Variants in TMTC1 observed in about 807,000 individuals in gnomAD.
The protein encoded by TMTC1 is transmembrane O-mannosyltransferase targeting cadherins 1, also known as protein O-mannosyl-transferase TMTC1.
TMTC1 carries 73 observed loss-of-function variants against 104.8 expected under a neutral mutation model. That is an observed-to-expected ratio of 0.70 (90% CI 0.58 to 0.85). TMTC1 has a LOEUF of 0.85. Ranked by LOEUF, TMTC1 falls within the 40% of genes least tolerant of loss-of-function variation. TMTC1 has a pLI of 0.00. For synonymous variants in TMTC1, 434 were observed against 428.7 expected (o/e 1.01, Z -0.15); for missense variants, 1,035 against 1,096.1 (o/e 0.94, Z 0.79).
chr12:29,653,985 T>C (rs1939640175), intron 5 of TMTC1, among the ~76,000 whole-genome samples: 1 of 152,170 alleles, frequency 6.6e-6, no homozygotes, highest in South Asian at 2.1e-4. Flanking sequence ...AACTCGTAAA[T>C]GTGAGAAAAA....
intron 5 of TMTC1, chr12:29,659,866 T>G (rs1239048599): frequency 2.0e-6 from 3 of 1,503,932 alleles, no homozygotes; most frequent in African/African-American, 2.8e-5. Flanking sequence ...TTTAAAAAAA[T>G]TATTTATACT....
In TMTC1 at chr12:29,783,763, C is replaced by G; in HGVS notation, c.-12G>C. On this transcript the variant is annotated 5_prime_UTR_variant, in exon 1 of 18. Transcript: ENST00000539277. The surrounding 1 kb of genome is among the most constrained non-coding windows in gnomAD (Gnocchi z 4.7). Reference sequence around the variant, plus strand: ...GTGGTCACCACCATCGCGCCGCCGCCGCCGCTGCTGCCCTGGCCTCTCCCG... The same window carrying G: ...GTGGTCACCACCATCGCGCCGCCGCGGCCGCTGCTGCCCTGGCCTCTCCCG... 8.7e-7 allele frequency: 1 copy of G among 1,150,536 alleles called. No individual in the cohort carries two copies. The highest frequency in any genetic ancestry group is 1.1e-6 in the Non-Finnish European group (1 of 938,766). 71.3% of individuals were successfully genotyped at this position (1,150,536 alleles called of 1,614,324 possible).
At chr12:29,560,075 G>A (rs299485) in intron 9 of TMTC1, among the ~76,000 whole-genome samples, 111,136 of 152,178 alleles carry the variant, frequency 0.73, 45,190 homozygotes, top group East Asian at 0.92. Context: ...TCTCCAGGAA[G>A]GGAATTTTCT....
At chr12:29,529,283 T>C (rs1944433117) in intron 11 of TMTC1, among the ~76,000 whole-genome samples, 1 of 152,150 alleles carries the variant, frequency 6.6e-6, no homozygotes, top group Non-Finnish European at 1.5e-5. Flanking sequence ...ACAGATGGCC[T>C]GTAACAATGT....
intron 2 of TMTC1, among the ~76,000 whole-genome samples, chr12:29,759,563 G>T (rs1159356397): frequency 6.6e-6 from 1 of 152,158 alleles, no homozygotes; most frequent in African/African-American, 2.4e-5. Flanking sequence ...GAGTATATGT[G>T]TATGTGCATG....
intron 6 of TMTC1, among the ~76,000 whole-genome samples, chr12:29,610,333 G>A (rs2766606): frequency 0.23 from 34,983 of 152,056 alleles, 4,909 homozygotes; most frequent in East Asian, 0.38. Context: ...AGGCCACCGA[G>A]GCTATAAGAA....
chr12:29,514,029 C>T (rs116125475), intron 16 of TMTC1, among the ~76,000 whole-genome samples: 80 of 152,018 alleles, frequency 5.3e-4, no homozygotes, highest in South Asian at 4.2e-3. Flanking sequence ...GGAATAAGGA[C>T]GGTTAGGGAG....
intron 13 of TMTC1, among the ~76,000 whole-genome samples, chr12:29,517,829 C>T (rs144828375): frequency 0.029 from 4,460 of 152,218 alleles, 165 homozygotes; most frequent in East Asian, 0.13. Context: ...ATTCTCCTGC[C>T]TCAGCCTCCT....
chr12:29,731,690 T>C (rs1942550354), intron 5 of TMTC1, among the ~76,000 whole-genome samples: 1 of 152,154 alleles, frequency 6.6e-6, no homozygotes, highest in Non-Finnish European at 1.5e-5. Context: ...TCCATTTAAA[T>C]ACAAAAAAAG....
intron 1 of TMTC1, among the ~76,000 whole-genome samples, chr12:29,773,719 A>G (rs554931403): frequency 1.3e-5 from 2 of 152,254 alleles, no homozygotes; most frequent in African/African-American, 4.8e-5. Context: ...GCCACCACCA[A>G]TGATCGCTGC....
At chr12:29,532,607 C>T (rs1322550572) in intron 11 of TMTC1, 1 of 151,734 alleles carries the variant, frequency 6.6e-6, no homozygotes, top group African/African-American at 2.4e-5. Context: ...AAACAGGATA[C>T]AAACAGTGTA....
chr12:29,531,696 C>T lies in TMTC1; in HGVS notation c.1785+4513G>A, dbSNP rs75891201. Among the ~76,000 whole-genome samples, 1,013 of 152,254 alleles carry T rather than the reference C, an allele frequency of 6.7e-3. 21 individuals are homozygous for T. Among genetic ancestry groups the T allele is most frequent in the East Asian group, 0.055 (283 of 5,182 alleles). On this transcript the variant is annotated intron_variant, in intron 11 of 17. Transcript: ENST00000539277. ...AAGAGTATAGCAAGTCAGAGACCAC[C>T]CTGACTTCAAAGCTAAGAGTTTATC...
intron 5 of TMTC1, among the ~76,000 whole-genome samples, chr12:29,705,454 G>C (rs927038461): frequency 6.6e-6 from 1 of 152,178 alleles, no homozygotes; most frequent in Non-Finnish European, 1.5e-5. Context: ...CCATTTGTAA[G>C]TGTGTCTCCC....
intron 10 of TMTC1, among the ~76,000 whole-genome samples, chr12:29,539,718 C>T (rs1944743614): frequency 6.6e-6 from 1 of 152,196 alleles, no homozygotes; most frequent in Non-Finnish European, 1.5e-5. Context: ...TGAGGCTTGG[C>T]CTCTTAGTAG....
chr12:29,587,411 G>A (rs1485786966), intron 7 of TMTC1, among the ~76,000 whole-genome samples: 3 of 151,730 alleles, frequency 2.0e-5, no homozygotes, highest in African/African-American at 7.3e-5. Flanking sequence ...ATGGCTCACT[G>A]CAGCCTCAAC....
intron 4 of TMTC1, 93 bp downstream of exon 4, chr12:29,755,616 G>T: frequency 9.2e-7 from 1 of 1,092,416 alleles, no homozygotes; most frequent in Non-Finnish European, 1.3e-6. Context: ...TTAATAAAGT[G>T]TTATATTTTT....
intron 5 of TMTC1, among the ~76,000 whole-genome samples, chr12:29,698,886 C>A (rs1033627080): frequency 2.6e-5 from 4 of 152,168 alleles, no homozygotes; most frequent in African/African-American, 7.2e-5. Context: ...GCTGGAACAA[C>A]CCCATACTCT....
chr12:29,764,966 C>A (rs1038358219), intron 2 of TMTC1, among the ~76,000 whole-genome samples: 1 of 152,078 alleles, frequency 6.6e-6, no homozygotes, highest in Non-Finnish European at 1.5e-5. Flanking sequence ...CTGTTATTGC[C>A]CTACTCATTT....
chr12:29,568,017 T>C (rs1413260692), intron 9 of TMTC1, among the ~76,000 whole-genome samples: 1 of 152,200 alleles, frequency 6.6e-6, no homozygotes, highest in Non-Finnish European at 1.5e-5. Context: ...CACATACATG[T>C]ACTGCAGCCT....
Sources: allele counts gnomAD v4.1 joint callset (sites outside exome capture counted in the v4.1 genomes callset), GRCh38; gene constraint gnomAD v4.1.1; non-coding constraint Gnocchi (gnomAD v3.1); transcripts MANE v1.5; gene names NCBI Gene and HGNC (gene_info 2026-07-23, HGNC 2026-07-21).